AJAP1: variants seen among roughly 807,000 people sequenced by gnomAD.
AJAP1 encodes adherens junction-associated protein 1.
In AJAP1, 5 loss-of-function variants were observed where a neutral mutation model predicts 35.0. That is an observed-to-expected ratio of 0.14 (90% CI 0.07 to 0.30). The LOEUF (loss-of-function observed/expected upper bound fraction) is 0.30, where lower values mean the gene tolerates loss of function less well. Among genes scored for constraint, AJAP1 ranks in the 10% least tolerant of loss-of-function variants. The pLI is 1.00. For synonymous variants in AJAP1, 284 were observed against 249.3 expected (o/e 1.14, Z -1.31); for missense variants, 586 against 571.0 (o/e 1.03, Z -0.27).
intron 2 of AJAP1, among the ~76,000 whole-genome samples, chr1:4,713,114 C>T (rs966256461): frequency 3.9e-5 from 6 of 152,156 alleles, no homozygotes; most frequent in African/African-American, 1.4e-4. Context: ...TAAGGATCCC[C>T]CCGCCCCAGA....
At chr1:4,747,913 G>A (rs61766968) in intron 2 of AJAP1, among the ~76,000 whole-genome samples, 48,011 of 150,872 alleles carry the variant, frequency 0.32, 8,048 homozygotes, top group Admixed American at 0.42. Context: ...AATCACTTGA[G>A]CCCTGGAGGC....
intron 2 of AJAP1, among the ~76,000 whole-genome samples, chr1:4,731,527 C>T (rs1440156471): frequency 3.3e-5 from 5 of 152,316 alleles, no homozygotes; most frequent in South Asian, 2.1e-4. Context: ...GAACATTTTG[C>T]GTGACAGGTA....
At position 4,747,196 on chromosome 1, in the gene AJAP1, C is replaced by T. The variant is rs775216005; in HGVS notation, c.830-22657C>T. On this transcript the variant is annotated intron_variant, in intron 2 of 5. Coordinates refer to ENST00000378191, the MANE Select transcript of AJAP1 (RefSeq NM_018836.4). ...TCCTTGCGGGCATTTGCTGTGCCGT[C>T]GTCAGCCTCACTCCCTCCAGGAGGG... is the stretch of plus-strand genomic sequence containing the variant. 7.2e-5 allele frequency among the ~76,000 whole-genome samples: 11 copies of T among 152,158 alleles called. No individual in the cohort carries two copies. In the East Asian group the frequency reaches 2.1e-3, roughly 29 times the overall value.
intron 1 of AJAP1, among the ~76,000 whole-genome samples, chr1:4,707,991 C>T (rs1403444429): frequency 7.4e-5 from 10 of 135,324 alleles, no homozygotes; most frequent in Admixed American, 3.1e-4. Context: ...TTTTTTGAGA[C>T]GCAGTCTCAC....
intron 2 of AJAP1, among the ~76,000 whole-genome samples, chr1:4,757,463 G>A (rs1193618455): frequency 1.3e-5 from 2 of 152,206 alleles, no homozygotes; most frequent in Non-Finnish European, 2.9e-5. Flanking sequence ...AAAATGGCCA[G>A]CCTCATGCAC....
chr1:4,692,774 A>C lies in AJAP1; in HGVS notation c.30-19126A>C, dbSNP rs1461874271. The stretch of plus-strand genomic sequence containing the variant: ...CCTCCCTCCAGGTCTTGTCAGCTGA[A>C]ATGCCTGTTCCCTCAGTGGACTGTG... On this transcript the variant is annotated intron_variant, in intron 1 of 5. Transcript: ENST00000378191. This position sits in a 1 kb window ranked among gnomAD's most constrained non-coding sequence, Gnocchi z 4.4. Among the ~76,000 whole-genome samples the C allele has an allele frequency of 6.6e-6, 1 of 152,124 alleles. No individual in the cohort carries two copies. The highest frequency in any genetic ancestry group is 1.9e-4 in the East Asian group (1 of 5,178).
intron 1 of AJAP1, among the ~76,000 whole-genome samples, chr1:4,685,588 C>T (rs1288638886): frequency 6.6e-6 from 1 of 152,214 alleles, no homozygotes; most frequent in Non-Finnish European, 1.5e-5. Flanking sequence ...CGACAGATCA[C>T]CCAGCGCAGT....
intron 1 of AJAP1, among the ~76,000 whole-genome samples, chr1:4,657,875 T>G (rs1184932223): frequency 6.6e-6 from 1 of 152,034 alleles, no homozygotes; most frequent in Non-Finnish European, 1.5e-5. Flanking sequence ...TTGAGCAGCT[T>G]TTGTGTCTTT....
chr1:4,718,660 T>A (rs1208644536), intron 2 of AJAP1, among the ~76,000 whole-genome samples: 2 of 152,098 alleles, frequency 1.3e-5, no homozygotes, highest in Non-Finnish European at 2.9e-5. Flanking sequence ...TTTTTGTATT[T>A]TTAGTAGAGA....
At chr1:4,710,619 C>T (rs933634171) in intron 1 of AJAP1, among the ~76,000 whole-genome samples, 1 of 152,270 alleles carries the variant, frequency 6.6e-6, no homozygotes, top group Non-Finnish European at 1.5e-5. Context: ...CTTTGGGCGG[C>T]GTCAGGCTGG....
At chr1:4,751,424 G>A (rs1291411914) in intron 2 of AJAP1, among the ~76,000 whole-genome samples, 1 of 152,202 alleles carries the variant, frequency 6.6e-6, no homozygotes, top group African/African-American at 2.4e-5. Context: ...AGCCAGGTGT[G>A]CCCCAGCAAG....
intron 1 of AJAP1, among the ~76,000 whole-genome samples, chr1:4,659,770 G>A (rs560341554): frequency 2.6e-5 from 4 of 152,288 alleles, no homozygotes; most frequent in South Asian, 2.1e-4. Flanking sequence ...CTCAGACTGT[G>A]GACCAAATTG....
chr1:4,714,990 A>G (rs1363687801), intron 2 of AJAP1, among the ~76,000 whole-genome samples: 2 of 152,176 alleles, frequency 1.3e-5, no homozygotes, highest in African/African-American at 4.8e-5. Flanking sequence ...TAGGCTACTG[A>G]GAACAGGCTG....
intron 1 of AJAP1, among the ~76,000 whole-genome samples, chr1:4,679,872 G>A (rs1290959661): frequency 2.7e-5 from 4 of 150,866 alleles, no homozygotes; most frequent in Non-Finnish European, 4.4e-5. Context: ...TACTTACAAG[G>A]AGTTGGCTCA....
intron 1 of AJAP1, among the ~76,000 whole-genome samples, chr1:4,675,458 C>T (rs1049767627): frequency 5.9e-5 from 9 of 152,152 alleles, no homozygotes; most frequent in East Asian, 1.9e-4. Context: ...CATTGCCAGC[C>T]GGGGAAGCCC....
intron 5 of AJAP1, among the ~76,000 whole-genome samples, chr1:4,781,519 G>C (rs971491542): frequency 6.6e-6 from 1 of 152,256 alleles, no homozygotes; most frequent in Admixed American, 6.5e-5. Flanking sequence ...CTCCCACTGG[G>C]TGTTTTTCCG....
chr1:4,776,075 G>A (rs958813519), intron 5 of AJAP1, among the ~76,000 whole-genome samples: 9 of 152,164 alleles, frequency 5.9e-5, no homozygotes, highest in East Asian at 3.9e-4. Context: ...CCTTAGAGTC[G>A]AAGACCCTCA....
chr1:4,765,727 C>T (rs1009158904), intron 2 of AJAP1, among the ~76,000 whole-genome samples: 1 of 152,172 alleles, frequency 6.6e-6, no homozygotes, highest in African/African-American at 2.4e-5. Context: ...AGGAATCAAA[C>T]TGGTACATTT....
In AJAP1 at chr1:4,711,975, C is replaced by G; in HGVS notation, c.105C>G (p.Ala35=). ...TACTGATAGCCATGTTTCAGCTCGC[C>G]GTGGACCTGCCCGCCTGTGAGGCCC... ...AWILIAMFQL[A]VDLPACEALG... The change falls in exon 2 of 6, where the codon GCC becomes GCG. Residue 35 remains alanine (A), a synonymous_variant. Transcript: ENST00000378191. 1 of 1,587,988 alleles carries G rather than the reference C, an allele frequency of 6.3e-7. No homozygotes were observed. Among genetic ancestry groups the G allele is most frequent in the Non-Finnish European group, 8.5e-7 (1 of 1,171,674 alleles).
Sources: allele counts gnomAD v4.1 joint callset (sites outside exome capture counted in the v4.1 genomes callset), GRCh38; gene constraint gnomAD v4.1.1; non-coding constraint Gnocchi (gnomAD v3.1); transcripts MANE v1.5; gene names NCBI Gene and HGNC (gene_info 2026-07-23, HGNC 2026-07-21).